The following SIL1 variants were observed in gnomAD, a reference collection of about 807,000 sequenced individuals.
The protein encoded by SIL1 is SIL1 nucleotide exchange factor.
Under a neutral mutation model 49.1 loss-of-function variants are expected in SIL1, and 40 were observed. The ratio of observed to expected loss-of-function variants is 0.81; its 90% CI spans 0.63 to 1.06. SIL1 has a LOEUF of 1.06. Among genes scored for constraint, SIL1 ranks in the 50% least tolerant of loss-of-function variants. SIL1 has a pLI of 0.00. For synonymous variants in SIL1, 253 were observed against 250.8 expected (o/e 1.01, Z -0.08); for missense variants, 500 against 572.6 (o/e 0.87, Z 1.29).
At chr5:139,032,434 G>A (rs1243659344) in intron 5 of SIL1, among the ~76,000 whole-genome samples, 1 of 152,170 alleles carries the variant, frequency 6.6e-6, no homozygotes, top group Non-Finnish European at 1.5e-5. Context: ...TATATATAAT[G>A]CATAATTCTT....
At chr5:139,142,557 G>A (rs1169154944) in intron 1 of SIL1, among the ~76,000 whole-genome samples, 1 of 152,020 alleles carries the variant, frequency 6.6e-6, no homozygotes, top group Non-Finnish European at 1.5e-5. Context: ...TCATTTCAAT[G>A]GATACTGAAA....
chr5:139,100,234 G>C (rs1770556858), intron 3 of SIL1, among the ~76,000 whole-genome samples: 1 of 152,104 alleles, frequency 6.6e-6, no homozygotes, highest in African/African-American at 2.4e-5. Flanking sequence ...TTGGACACTG[G>C]AAAAGAAGAA....
intron 7 of SIL1, among the ~76,000 whole-genome samples, chr5:139,005,480 T>C (rs1439295260): frequency 4.7e-5 from 7 of 149,568 alleles, no homozygotes; most frequent in Non-Finnish European, 3.0e-5. Flanking sequence ...ACTTTAAGTT[T>C]TAGGGTACAT....
chr5:139,068,710 A>G (rs1769763644), intron 3 of SIL1, among the ~76,000 whole-genome samples: 2 of 151,928 alleles, frequency 1.3e-5, no homozygotes, highest in Admixed American at 1.3e-4. Flanking sequence ...AAAGGTAATT[A>G]AAGCCATGCT....
rs1356542589 is a variant in SIL1 at position 139,121,076 on chromosome 5, T to A, written c.203A>T (p.Glu68Val). 6.2e-7 allele frequency: 1 copy of A among 1,614,036 alleles called. No homozygotes were observed. Among genetic ancestry groups the A allele is most frequent in the African/African-American group, 1.3e-5 (1 of 74,894 alleles). ...AEEELDAEVL[E>V]VFHPTHEWQA... ...CCACTCATGCGTCGGGTGGAACACC[T>A]CCAGGACTTCGGCATCCAGCTCCTC... is the stretch of plus-strand genomic sequence containing the variant. Residue 68 changes from glutamate (E) to valine (V), a missense_variant, in exon 3 of 10, where the codon GAG becomes GTG. By Grantham distance (121) the Glu-to-Val change is moderately radical (BLOSUM62 -2). Coordinates refer to ENST00000394817, the MANE Select transcript of SIL1 (RefSeq NM_022464.5).
Position 139,046,693 on chromosome 5 carries a change from C to T in SIL1, c.354-3974G>A, listed in dbSNP as rs372584565. Among the ~76,000 whole-genome samples, 27 of 152,262 alleles carry T rather than the reference C, an allele frequency of 1.8e-4. No homozygotes were observed. In the South Asian group the frequency reaches 4.8e-3, roughly 27 times the overall value. ...TTGAAATAAGGACTAGTGGTAAAAC[C>T]TTGCTCCCCAATGGATGTCTTCTCT... is the stretch of plus-strand genomic sequence containing the variant. On this transcript the variant is annotated intron_variant, in intron 4 of 9. Transcript: ENST00000394817.
chr5:138,982,759 G>A (rs1767556460), intron 7 of SIL1, among the ~76,000 whole-genome samples: 1 of 152,178 alleles, frequency 6.6e-6, no homozygotes, highest in Admixed American at 6.5e-5. Flanking sequence ...CTTTTCAGAT[G>A]TTTAGCAAAG....
chr5:138,974,580 T>C (rs1767353587), intron 7 of SIL1, among the ~76,000 whole-genome samples: 1 of 152,194 alleles, frequency 6.6e-6, no homozygotes, highest in Admixed American at 6.5e-5. Context: ...CTAGGGATAA[T>C]TGGGAGTTGC....
intron 2 of SIL1, among the ~76,000 whole-genome samples, chr5:139,125,252 T>C (rs1047122605): frequency 1.3e-5 from 2 of 152,214 alleles, no homozygotes; most frequent in Admixed American, 6.5e-5. Flanking sequence ...CCTTCCACGC[T>C]GGATCATCAG....
At chr5:138,986,079 C>T (rs796349539) in intron 7 of SIL1, among the ~76,000 whole-genome samples, 2 of 152,352 alleles carry the variant, frequency 1.3e-5, no homozygotes, top group African/African-American at 4.8e-5. Context: ...GCAGCTACCC[C>T]AGGTGTCTGT....
At chr5:139,116,174 G>A (rs1299630933) in intron 3 of SIL1, among the ~76,000 whole-genome samples, 1 of 152,200 alleles carries the variant, frequency 6.6e-6, no homozygotes, top group Non-Finnish European at 1.5e-5. Flanking sequence ...AGAGTAGTTG[G>A]TCTACTATAA....
chr5:139,022,124 C>G (rs1768542907), intron 6 of SIL1: 1 of 152,328 alleles, frequency 6.6e-6, no homozygotes, highest in South Asian at 2.1e-4. Context: ...ATCCTGTTTT[C>G]TACATGTACC....
chr5:138,950,526 G>A (rs916758465), intron 9 of SIL1, among the ~76,000 whole-genome samples: 1 of 152,222 alleles, frequency 6.6e-6, no homozygotes, highest in Non-Finnish European at 1.5e-5. Flanking sequence ...GTCGGCATGC[G>A]GCTCTTCTGG....
intron 3 of SIL1, among the ~76,000 whole-genome samples, chr5:139,113,321 A>T (rs562936139): frequency 0.2 from 28,182 of 138,572 alleles, 4,129 homozygotes; most frequent in African/African-American, 0.41. Context: ...ATAAATAAAT[A>T]AATAAATTTA....
intron 7 of SIL1, among the ~76,000 whole-genome samples, chr5:138,989,345 T>A (rs1767707941): frequency 6.6e-6 from 1 of 152,116 alleles, no homozygotes; most frequent in Non-Finnish European, 1.5e-5. Context: ...GGCCAGGAGT[T>A]CTAGACCAGC....
intron 5 of SIL1, among the ~76,000 whole-genome samples, chr5:139,031,540 G>A (rs1768792379): frequency 6.6e-6 from 1 of 152,106 alleles, no homozygotes; most frequent in African/African-American, 2.4e-5. Flanking sequence ...CTTAAAATCA[G>A]GTGGTGTGTT....
At position 139,042,717 on chromosome 5, in the gene SIL1, A is replaced by G; in HGVS notation, c.356T>C (p.Leu119Pro). The change falls in exon 5 of 10, where the codon CTG becomes CCG. Residue 119 changes from leucine to proline, a missense_variant and splice_region_variant. Leu to Pro is a moderately conservative substitution (Grantham distance 98). Coordinates refer to ENST00000394817, the MANE Select transcript of SIL1 (RefSeq NM_022464.5). ...KFRNNLKGKR[L>P]DINTNTYTSQ... Reference sequence around the variant, plus strand: ...TGTGTAGGTGTTGGTGTTGATATCCAGCCTGTCCAAAGAAAACTGAGAGTA... The same window carrying G: ...TGTGTAGGTGTTGGTGTTGATATCCGGCCTGTCCAAAGAAAACTGAGAGTA... 1.9e-6 allele frequency: 3 copies of G among 1,614,008 alleles called. No homozygotes were observed. Among genetic ancestry groups the G allele is most frequent in the Non-Finnish European group, 2.5e-6 (3 of 1,179,950 alleles).
At chr5:139,008,801 G>A (rs945189891) in intron 7 of SIL1, among the ~76,000 whole-genome samples, 1 of 152,028 alleles carries the variant, frequency 6.6e-6, no homozygotes, top group Admixed American at 6.6e-5. Context: ...CTGAGTTCTA[G>A]TTTGATTGCA....
At chr5:138,956,518 C>A (rs1766905923) in intron 7 of SIL1, among the ~76,000 whole-genome samples, 1 of 151,994 alleles carries the variant, frequency 6.6e-6, no homozygotes, top group African/African-American at 2.4e-5. Context: ...CTGAGGCGGG[C>A]AGATCACTTG....
Sources: allele counts gnomAD v4.1 joint callset (sites outside exome capture counted in the v4.1 genomes callset), GRCh38; gene constraint gnomAD v4.1.1; transcripts MANE v1.5; gene names NCBI Gene and HGNC (gene_info 2026-07-23, HGNC 2026-07-21).